VSTM2A: variants seen among roughly 807,000 people sequenced by gnomAD.
VSTM2A encodes V-set and transmembrane domain containing 2A, also known as V-set and transmembrane domain-containing protein 2A.
VSTM2A carries 13 observed loss-of-function variants against 27.3 expected under a neutral mutation model. That is an observed-to-expected ratio of 0.48 (90% CI 0.31 to 0.76). The LOEUF (loss-of-function observed/expected upper bound fraction) is 0.76, where lower values mean the gene tolerates loss of function less well. VSTM2A is among the 30% of genes least tolerant of loss of function. The pLI is 0.05. For missense variants in VSTM2A, 280 were observed against 310.0 expected, an observed-to-expected ratio of 0.90 and a Z score of 0.73; for synonymous variants, 142 against 125.7, an observed-to-expected ratio of 1.13 and a Z score of -0.87.
In VSTM2A at chr7:54,570,737, T is replaced by C. The variant is rs1788868391; in HGVS notation, c.*1518T>C. 6.6e-6 allele frequency: 1 copy of C among 152,202 alleles called. No homozygotes were observed. The highest frequency in any genetic ancestry group is 1.5e-5 in the Non-Finnish European group (1 of 68,022). 9.4% of individuals were successfully genotyped at this position (152,202 alleles called of 1,614,324 possible). On this transcript the variant is annotated 3_prime_UTR_variant, in exon 5 of 5. Coordinates refer to ENST00000402613, the MANE Select transcript of VSTM2A (RefSeq NM_001301009.2). ...ATATACATTATGGAATAGATAAAGC[T>C]TGAGAGATAAATGACCTAAGTTTTC...
intron 2 of VSTM2A, among the ~76,000 whole-genome samples, chr7:54,545,437 G>A (rs1360023262): frequency 1.4e-5 from 2 of 146,036 alleles, no homozygotes; most frequent in Admixed American, 1.4e-4. Context: ...GAAAGAGAAG[G>A]GAGGGAGAAA....
In VSTM2A at chr7:54,570,096, T is replaced by C. The variant is rs991891334; in HGVS notation, c.*877T>C. 2 of 152,162 alleles carry C rather than the reference T, an allele frequency of 1.3e-5. No individual in the cohort carries two copies. Among genetic ancestry groups the C allele is most frequent in the Non-Finnish European group, 2.9e-5 (2 of 68,032 alleles). The allele number at this position is 152,162 out of a possible 1,614,324, so 9.4% of individuals were successfully genotyped here. A position where few individuals can be genotyped will look rare whatever the true frequency, so the allele number is the denominator to read the frequency against. Reference sequence around the variant, plus strand: ...TTGTCCTCTGCTTCATTCTGGAAAGTGCATATTCAAAATTGTATCAGTCTC... The same window carrying C: ...TTGTCCTCTGCTTCATTCTGGAAAGCGCATATTCAAAATTGTATCAGTCTC... On this transcript the variant is annotated 3_prime_UTR_variant, in exon 5 of 5. Coordinates refer to ENST00000402613, the MANE Select transcript of VSTM2A (RefSeq NM_001301009.2).
At position 54,546,987 on chromosome 7, in the gene VSTM2A, C is replaced by A; in HGVS notation, c.287C>A (p.Thr96Asn). ...LPDRDPDSDG[T>N]KISTVKVQGN... is the part of the protein sequence containing the mutation. ...GACAGAGACCCGGACAGCGACGGGA[C>A]CAAGATCAGCGTGAGTGCGGGGCGC... is the stretch of plus-strand genomic sequence containing the variant. Residue 96 changes from threonine (T) to asparagine (N), a missense_variant, in exon 3 of 5, where the codon ACC becomes AAC. By Grantham distance (65) the Thr-to-Asn change is moderately conservative. Coordinates refer to ENST00000402613, the MANE Select transcript of VSTM2A (RefSeq NM_001301009.2). 6.3e-7 allele frequency: 1 copy of A among 1,582,818 alleles called. No homozygotes were observed. Among genetic ancestry groups the A allele is most frequent in the Non-Finnish European group, 8.6e-7 (1 of 1,169,250 alleles).
At chr7:54,553,728 A>G in intron 4 of VSTM2A, 1 of 1,178,772 alleles carries the variant, frequency 8.5e-7, no homozygotes, top group Non-Finnish European at 1.2e-6. Flanking sequence ...TGACTGTGGA[A>G]GTCCCAGGAT....
At chr7:54,563,003 A>T (rs1179137079) in intron 4 of VSTM2A, among the ~76,000 whole-genome samples, 2 of 152,230 alleles carry the variant, frequency 1.3e-5, no homozygotes, top group African/African-American at 4.8e-5. Context: ...AGTGCTAATT[A>T]TAAAGCATTC....
At chr7:54,546,438 C>G (rs1787971706) in intron 2 of VSTM2A, among the ~76,000 whole-genome samples, 1 of 151,542 alleles carries the variant, frequency 6.6e-6, no homozygotes, top group Non-Finnish European at 1.5e-5. Context: ...GAGCGCGGGG[C>G]GGGACGGCAG....
intron 4 of VSTM2A, among the ~76,000 whole-genome samples, chr7:54,566,017 T>C (rs1029054468): frequency 6.6e-6 from 1 of 152,168 alleles, no homozygotes; most frequent in African/African-American, 2.4e-5. Flanking sequence ...TCTCAGACTC[T>C]TCCATTTACA....
chr7:54,568,513 T>G (rs1788790982), intron 4 of VSTM2A, among the ~76,000 whole-genome samples: 1 of 151,932 alleles, frequency 6.6e-6, no homozygotes. Context: ...GCACTAACTT[T>G]CTCCAAGATT....
intron 4 of VSTM2A, among the ~76,000 whole-genome samples, chr7:54,553,388 A>T (rs994987580): frequency 6.6e-6 from 1 of 152,184 alleles, no homozygotes; most frequent in African/African-American, 2.4e-5. Flanking sequence ...TGCCGTCTTC[A>T]ATTGTTCTGA....
intron 4 of VSTM2A, among the ~76,000 whole-genome samples, chr7:54,563,740 A>G (rs1262684701): frequency 6.6e-6 from 1 of 152,196 alleles, no homozygotes; most frequent in East Asian, 1.9e-4. Flanking sequence ...CAGAGCTGTA[A>G]ATCTGCTGAC....
chr7:54,562,619 T>A (rs2115911634), intron 4 of VSTM2A, among the ~76,000 whole-genome samples: 1 of 152,310 alleles, frequency 6.6e-6, no homozygotes, highest in East Asian at 1.9e-4. Context: ...GTGATGCACT[T>A]CTGTTGGCTT....
At chr7:54,546,246 G>A (rs1584044211) in intron 2 of VSTM2A, 1 of 156,844 alleles carries the variant, frequency 6.4e-6, no homozygotes, top group Non-Finnish European at 1.4e-5. Context: ...GGAGGGGACG[G>A]AGGGTGACTT....
chr7:54,546,975 A>G lies in VSTM2A; in HGVS notation c.275A>G (p.Asp92Gly). The G allele has an allele frequency of 1.9e-6, 3 of 1,594,434 alleles. No homozygotes were observed. The highest frequency in any genetic ancestry group is 2.6e-6 in the Non-Finnish European group (3 of 1,172,868). ...GAGCTCTTGCCCGACAGAGACCCGGACAGCGACGGGACCAAGATCAGCGTG... is the reference window on the plus strand; with the variant it reads ...GAGCTCTTGCCCGACAGAGACCCGGGCAGCGACGGGACCAAGATCAGCGTG... The part of the protein sequence containing the change: ...QVELLPDRDP[D>G]SDGTKISTVK... The change falls in exon 3 of 5, where the codon GAC (aspartate) becomes GGC (glycine). Residue 92 changes from aspartate to glycine, a missense_variant. Coordinates refer to ENST00000402613, the MANE Select transcript of VSTM2A (RefSeq NM_001301009.2).
intron 4 of VSTM2A, among the ~76,000 whole-genome samples, chr7:54,555,508 C>T (rs1788327047): frequency 1.3e-5 from 2 of 152,168 alleles, no homozygotes; most frequent in Admixed American, 6.5e-5. Context: ...AAAATGCAAA[C>T]TCCTTTGTTA....
chr7:54,566,673 T>C (rs1788734134), intron 4 of VSTM2A, among the ~76,000 whole-genome samples: 1 of 152,234 alleles, frequency 6.6e-6, no homozygotes, highest in Non-Finnish European at 1.5e-5. Context: ...ATACCTGGCA[T>C]ACTAATATGA....
chr7:54,542,854 T>A, intron 1 of VSTM2A, 45 bp downstream of exon 1: 1 of 1,561,316 alleles, frequency 6.4e-7, no homozygotes, highest in South Asian at 1.1e-5. Flanking sequence ...TGCGTGTGTG[T>A]GTGTTTCCTA....
intron 4 of VSTM2A, among the ~76,000 whole-genome samples, chr7:54,565,867 G>A (rs1326348802): frequency 6.6e-6 from 1 of 152,154 alleles, no homozygotes; most frequent in Non-Finnish European, 1.5e-5. Context: ...CCTTGGCTGG[G>A]CTTTCATTTG....
Position 54,569,388 on chromosome 7 carries a change from G to A in VSTM2A, c.*169G>A. 1 of 1,246,342 alleles carries A rather than the reference G, an allele frequency of 8.0e-7. No individual in the cohort carries two copies. The highest frequency in any genetic ancestry group is 1.1e-6 in the Non-Finnish European group (1 of 926,726). The allele number at this position is 1,246,342 out of a possible 1,614,324, so 77.2% of individuals were successfully genotyped here. ...AGATCTATTTTTTCCCTTTTCTTTC[G>A]GCGACTAAAATCATCTCACTGACTG... On this transcript the variant is annotated 3_prime_UTR_variant, in exon 5 of 5. Coordinates refer to ENST00000402613, the MANE Select transcript of VSTM2A (RefSeq NM_001301009.2).
At chr7:54,547,024 C>T (rs550932618) in intron 3 of VSTM2A, 27 bp downstream of exon 3, 12 of 1,565,280 alleles carry the variant, frequency 7.7e-6, no homozygotes, top group Middle Eastern at 1.7e-4. Context: ...CCAAGGGCCG[C>T]GGGCCCAGGC....
Sources: gnomAD v4.1 joint callset for allele counts (sites outside exome capture counted in the v4.1 genomes callset) on GRCh38, gnomAD v4.1.1 for gene constraint, MANE v1.5 for transcripts, NCBI Gene and HGNC (gene_info 2026-07-23, HGNC 2026-07-21) for gene names.